Variants in EYA1 observed in about 807,000 individuals in gnomAD.
The protein encoded by EYA1 is EYA transcriptional coactivator and phosphatase 1, also known as protein phosphatase EYA1.
Under a neutral mutation model 82.0 loss-of-function variants are expected in EYA1, and 16 were observed. That is an observed-to-expected ratio of 0.20 (90% CI 0.13 to 0.30). EYA1 has a LOEUF of 0.30. EYA1 is among the 10% of genes least tolerant of loss of function. The pLI is 1.00. For synonymous variants in EYA1, 261 were observed against 264.4 expected, an observed-to-expected ratio of 0.99 and a Z score of 0.12; for missense variants, 633 against 730.7, an observed-to-expected ratio of 0.87 and a Z score of 1.54.
intron 10 of EYA1, among the ~76,000 whole-genome samples, chr8:71,270,905 G>A (rs1284474071): frequency 1.3e-5 from 2 of 152,104 alleles, no homozygotes; most frequent in South Asian, 2.1e-4. Flanking sequence ...GGACCATGAG[G>A]TCAGGAGATG....
intron 2 of EYA1, among the ~76,000 whole-genome samples, chr8:71,435,626 G>A (rs1056306769): frequency 6.6e-6 from 1 of 151,894 alleles, no homozygotes; most frequent in Non-Finnish European, 1.5e-5. Flanking sequence ...CCATGTCTAT[G>A]GTATTTCCCA....
At chr8:71,508,938 T>A (rs1812395629) in intron 2 of EYA1, among the ~76,000 whole-genome samples, 1 of 152,192 alleles carries the variant, frequency 6.6e-6, no homozygotes, top group South Asian at 2.1e-4. Context: ...TATTTTGGTT[T>A]GTGCCAGGTG....
Position 71,217,201 on chromosome 8 carries a change from C to T in EYA1, c.1141-178G>A, listed in dbSNP as rs147997841. Among the ~76,000 whole-genome samples the T allele has an allele frequency of 3.3e-5, 5 of 152,236 alleles. No individual in the cohort carries two copies. The East Asian group carries it at 9.6e-4, about 29-fold the overall frequency. On this transcript the variant is annotated intron_variant, in intron 12 of 17. Transcript: ENST00000340726. Reference sequence around the variant, plus strand: ...CATTTTTACCTACTTAGGGTCCTCTCCTGTAAGAAAGAAGCAACATCGTTA... The same window carrying T: ...CATTTTTACCTACTTAGGGTCCTCTTCTGTAAGAAAGAAGCAACATCGTTA...
chr8:71,376,986 T>C (rs1380153475), intron 2 of EYA1, among the ~76,000 whole-genome samples: 1 of 152,170 alleles, frequency 6.6e-6, no homozygotes, highest in Non-Finnish European at 1.5e-5. Context: ...CTCACCAGCC[T>C]GATATAAACA....
intron 11 of EYA1, among the ~76,000 whole-genome samples, chr8:71,267,647 C>A (rs1037327346): frequency 3.3e-5 from 5 of 152,298 alleles, no homozygotes; most frequent in African/African-American, 1.2e-4. Context: ...CTCCCAGGTT[C>A]ACGCCGTTCT....
At chr8:71,317,418 A>G in intron 7 of EYA1, 134 bp downstream of exon 7, 2 of 864,986 alleles carry the variant, frequency 2.3e-6, no homozygotes. Context: ...ATCAAACTAG[A>G]AGCAGGTGTC....
At chr8:71,273,276 A>C (rs1404162574) in intron 9 of EYA1, among the ~76,000 whole-genome samples, 2 of 152,236 alleles carry the variant, frequency 1.3e-5, no homozygotes, top group Non-Finnish European at 2.9e-5. Context: ...CACCATCATG[A>C]CCTGTAAGCT....
chr8:71,522,302 A>G (rs1813461140), intron 2 of EYA1, among the ~76,000 whole-genome samples: 1 of 152,206 alleles, frequency 6.6e-6, no homozygotes, highest in African/African-American at 2.4e-5. Context: ...TCAGCAGTGG[A>G]AAGGATTTTA....
intron 12 of EYA1, among the ~76,000 whole-genome samples, chr8:71,232,184 TCA>T (rs1811277663): frequency 6.6e-6 from 1 of 152,214 alleles, no homozygotes; most frequent in Non-Finnish European, 1.5e-5. Flanking sequence ...AAGATTGAAT[TCA>T]CAGTGTTGAT....
At chr8:71,372,145 T>TCCAC (rs1828121742) in intron 2 of EYA1, among the ~76,000 whole-genome samples, 1 of 152,068 alleles carries the variant, frequency 6.6e-6, no homozygotes, top group African/African-American at 2.4e-5. Flanking sequence ...CATCAATGGA[T>TCCAC]ATTATTCGGA....
intron 11 of EYA1, among the ~76,000 whole-genome samples, chr8:71,245,113 A>G (rs1563684292): frequency 6.6e-6 from 1 of 152,358 alleles, no homozygotes; most frequent in East Asian, 1.9e-4. Flanking sequence ...GAAAATAGAT[A>G]CACTATAGCA....
At chr8:71,313,115 C>T (rs142042293) in intron 7 of EYA1, among the ~76,000 whole-genome samples, 51 of 152,170 alleles carry the variant, frequency 3.4e-4, no homozygotes, top group Admixed American at 1.9e-3. Flanking sequence ...CTTCCCCACT[C>T]TCATTTTCCA....
intron 2 of EYA1, among the ~76,000 whole-genome samples, chr8:71,492,613 C>T (rs1228410366): frequency 2.0e-5 from 3 of 152,108 alleles, no homozygotes; most frequent in East Asian, 3.9e-4. Flanking sequence ...TACAGGCGCC[C>T]ACCACCACGC....
intron 3 of EYA1, among the ~76,000 whole-genome samples, chr8:71,336,500 T>A (rs1824499721): frequency 6.6e-6 from 1 of 152,234 alleles, no homozygotes. Context: ...AACTACTTTG[T>A]GAATGCTTGA....
chr8:71,273,564 A>G (rs991067032), intron 9 of EYA1, among the ~76,000 whole-genome samples: 3 of 152,236 alleles, frequency 2.0e-5, no homozygotes, highest in Admixed American at 2.0e-4. Context: ...AAGTGGATTC[A>G]AAGCTGTTCT....
chr8:71,255,116 T>C (rs1454923898), intron 11 of EYA1, among the ~76,000 whole-genome samples: 1 of 152,054 alleles, frequency 6.6e-6, no homozygotes, highest in Non-Finnish European at 1.5e-5. Flanking sequence ...TACAAATAAA[T>C]GGAAAGACAT....
chr8:71,299,368 T>A, intron 8 of EYA1, 135 bp from the exon 9 acceptor site: 2 of 867,564 alleles, frequency 2.3e-6, no homozygotes, highest in Non-Finnish European at 3.8e-6. Context: ...AAGTACACAT[T>A]AACTAAAGAG....
At chr8:71,372,066 TC>T (rs1828115513) in intron 2 of EYA1, among the ~76,000 whole-genome samples, 1 of 152,142 alleles carries the variant, frequency 6.6e-6, no homozygotes, top group Non-Finnish European at 1.5e-5. Context: ...CTAAGATATT[TC>T]CTAGGGCATG....
At chr8:71,450,328 C>G (rs1249383667) in intron 2 of EYA1, among the ~76,000 whole-genome samples, 2 of 152,154 alleles carry the variant, frequency 1.3e-5, no homozygotes, top group African/African-American at 4.8e-5. Flanking sequence ...TTCAGTTGAA[C>G]ACTTAGAGGC....
Sources: gnomAD v4.1 joint callset for allele counts (sites outside exome capture counted in the v4.1 genomes callset) on GRCh38, gnomAD v4.1.1 for gene constraint, MANE v1.5 for transcripts, NCBI Gene and HGNC (gene_info 2026-07-23, HGNC 2026-07-21) for gene names.